The following WDR86 variants were observed in gnomAD, a reference collection of about 807,000 sequenced individuals.
The protein encoded by WDR86 is WD repeat domain 86, also known as WD repeat-containing protein 86.
In WDR86, 30 loss-of-function variants were observed where a neutral mutation model predicts 36.5. The observed-to-expected ratio is 0.82, with a 90% CI of 0.61 to 1.11. The LOEUF (loss-of-function observed/expected upper bound fraction) is 1.11, where lower values mean the gene tolerates loss of function less well. Ranked by LOEUF, WDR86 falls within the 50% of genes most tolerant of loss-of-function variation. WDR86 has a pLI of 0.00. For missense variants in WDR86, 545 were observed against 561.2 expected (o/e 0.97, Z 0.29); for synonymous variants, 255 against 252.9 (o/e 1.01, Z -0.08).
rs1228552737 is a variant in WDR86, at chr7:151,400,332, C to G, written c.164-91G>C. 2.2e-6 allele frequency: 3 copies of G among 1,360,650 alleles called. No homozygotes were observed. The African/African-American group carries it at 4.4e-5, about 20-fold the overall frequency. The allele number at this position is 1,360,650 out of a possible 1,614,324, so 84.3% of individuals were successfully genotyped here. A position where few individuals can be genotyped will look rare whatever the true frequency, so the allele number is the denominator to read the frequency against. On this transcript the variant is annotated intron_variant, in intron 1 of 5. Coordinates refer to ENST00000334493, the MANE Select transcript of WDR86 (RefSeq NM_198285.3). ...AACAATGTTTGAAAAGGGAAGAAAG[C>G]AGGATGTAGGGAGTGTTTGAGACAA...
chr7:151,382,086 C>G (rs1474169928), intron 4 of WDR86, 105 bp from the exon 5 acceptor site: 6 of 958,790 alleles, frequency 6.3e-6, no homozygotes, highest in Non-Finnish European at 9.5e-6. Flanking sequence ...GACTCCGCCC[C>G]ACGGGGGTAT....
At position 151,382,039 on chromosome 7, in the gene WDR86, G is replaced by A. The variant is rs1798631564; in HGVS notation, c.863-58C>T. 4.7e-6 allele frequency: 7 copies of A among 1,497,868 alleles called. 1 individual carries two copies. The South Asian group carries it at 8.5e-5, about 18-fold the overall frequency. The allele number at this position is 1,497,868 out of a possible 1,614,324, so 92.8% of individuals were successfully genotyped here. ...CCCTGCTCGGCCCCCCGCAAGCAGG[G>A]ATGGGGCGGCGAGAGCGTGACCTGG... On this transcript the variant is annotated intron_variant, in intron 4 of 5. Transcript: ENST00000334493.
Position 151,388,501 on chromosome 7 carries a change from G to C in WDR86, c.727-3278C>G, listed in dbSNP as rs751200692. On this transcript the variant is annotated intron_variant, in intron 3 of 5. Transcript: ENST00000334493. The surrounding 1 kb of genome is among the most constrained non-coding windows in gnomAD (Gnocchi z 4.2). Reference sequence around the variant, plus strand: ...GGGTGCCCCCTGGCTTTTTGACCTTGGGTTTGTCGCTTAGAAGCAGGTCCT... The same window carrying C: ...GGGTGCCCCCTGGCTTTTTGACCTTCGGTTTGTCGCTTAGAAGCAGGTCCT... Among the ~76,000 whole-genome samples, 5 of 152,112 alleles carry C rather than the reference G, an allele frequency of 3.3e-5. No homozygotes were observed. The highest frequency in any genetic ancestry group is 7.4e-5 in the Non-Finnish European group (5 of 68,002).
chr7:151,377,386 T>C, downstream of WDR86: 1 of 506,474 alleles, frequency 2.0e-6, no homozygotes, highest in Non-Finnish European at 3.4e-6. Context: ...TCCCAGGGCC[T>C]TCATGCGTGG....
chr7:151,400,162 C>T lies in WDR86; in HGVS notation c.243G>A (p.Arg81=), dbSNP rs1358800419. ...FTCSADCTIR[R]WDVLTGQCLQ... ...GACACTGCCCGGTCAGCACGTCCCA[C>T]CTCCTGATGGTGCAGTCGGCGCTGC... The change falls in exon 2 of 6, where the codon AGG becomes AGA. Residue 81 remains arginine (R), a synonymous_variant. Coordinates refer to ENST00000334493, the MANE Select transcript of WDR86 (RefSeq NM_198285.3). The T allele has an allele frequency of 1.2e-6, 2 of 1,612,480 alleles. No homozygotes were observed. Among genetic ancestry groups the T allele is most frequent in the African/African-American group, 2.7e-5 (2 of 74,918 alleles).
Position 151,406,782 on chromosome 7 carries a change from C to T in WDR86, c.163+2645G>A, listed in dbSNP as rs1001484289. 6.6e-6 allele frequency among the ~76,000 whole-genome samples: 1 copy of T among 152,184 alleles called. No individual in the cohort carries two copies. Among genetic ancestry groups the T allele is most frequent in the Non-Finnish European group, 1.5e-5 (1 of 68,026 alleles). ...GTGTATGCTGCTCATGAGTCTGCAC[C>T]TCCCCACTCTCCTCTGTGAACTGGT... On this transcript the variant is annotated intron_variant, in intron 1 of 5. Transcript: ENST00000334493. The surrounding 1 kb of genome is among the most constrained non-coding windows in gnomAD (Gnocchi z 4.4).
downstream of WDR86, among the ~76,000 whole-genome samples, chr7:151,380,332 CG>C (rs1465398578): frequency 1.3e-5 from 2 of 152,216 alleles, no homozygotes; most frequent in Non-Finnish European, 1.5e-5. Flanking sequence ...TGATCCCTGG[CG>C]GCCCCGGCCG....
intron 3 of WDR86, among the ~76,000 whole-genome samples, chr7:151,391,122 C>A (rs1362261061): frequency 6.6e-6 from 1 of 152,254 alleles, no homozygotes; most frequent in Non-Finnish European, 1.5e-5. Flanking sequence ...AGCGGCACTT[C>A]CAGCCCATCT....
intron 2 of WDR86, among the ~76,000 whole-genome samples, chr7:151,396,964 G>A (rs1799868953): frequency 6.6e-6 from 1 of 152,232 alleles, no homozygotes; most frequent in Non-Finnish European, 1.5e-5. Context: ...CCCCCACATT[G>A]TATTCACGAC....
intron 3 of WDR86, among the ~76,000 whole-genome samples, chr7:151,395,476 C>T (rs1377521966): frequency 1.3e-5 from 2 of 150,076 alleles, no homozygotes; most frequent in Non-Finnish European, 3.0e-5. Flanking sequence ...GACTGGTGTC[C>T]TTCTAAGAAG....
chr7:151,406,943 A>G lies in WDR86; in HGVS notation c.163+2484T>C, dbSNP rs190421415. Among the ~76,000 whole-genome samples the G allele has an allele frequency of 2.6e-5, 4 of 152,180 alleles. No homozygotes were observed. The highest frequency in any genetic ancestry group is 9.7e-5 in the African/African-American group (4 of 41,434). On this transcript the variant is annotated intron_variant, in intron 1 of 5. Transcript: ENST00000334493. The surrounding 1 kb of genome is among the most constrained non-coding windows in gnomAD (Gnocchi z 4.4). ...AATATTTCACTGATAGAAAAAAAAA[A>G]TCCTGCAGGAGAAAGGAACTGGCAA...
rs114973902 is a variant in WDR86, at chr7:151,393,213, G to A, written c.726+2563C>T. Among the ~76,000 whole-genome samples the A allele has an allele frequency of 2.5e-3, 382 of 152,344 alleles. 2 individuals are homozygous for A. The highest frequency in any genetic ancestry group is 8.7e-3 in the African/African-American group (361 of 41,576). On this transcript the variant is annotated intron_variant, in intron 3 of 5. Coordinates refer to ENST00000334493, the MANE Select transcript of WDR86 (RefSeq NM_198285.3). ...TCTGTGTTCACACGTGTGTTCACACGTGTGTGCATGTGTGCCTGTGGGGTG... is the reference window on the plus strand; with the variant it reads ...TCTGTGTTCACACGTGTGTTCACACATGTGTGCATGTGTGCCTGTGGGGTG...
Position 151,396,003 on chromosome 7 carries a change from C to A in WDR86, c.499G>T (p.Val167Leu). 6.2e-7 allele frequency: 1 copy of A among 1,600,846 alleles called. No homozygotes were observed. The highest frequency in any genetic ancestry group is 1.7e-4 in the Middle Eastern group (1 of 6,024). Residue 167 changes from valine to leucine, a missense_variant, in exon 3 of 6, where the codon GTG becomes TTG. Transcript: ENST00000334493. ...AEEAAAGGLL[V>L]TGSTDGTAKV... ...GCTGTGCCATCTGTGCTGCCGGTCACCAGAAGCCCCCCGGCCGCGGCCTCC... is the reference window on the plus strand; with the variant it reads ...GCTGTGCCATCTGTGCTGCCGGTCAACAGAAGCCCCCCGGCCGCGGCCTCC...
In WDR86 at chr7:151,409,398, G is replaced by T; in HGVS notation, c.163+29C>A. 6.4e-7 allele frequency: 1 copy of T among 1,552,600 alleles called. No homozygotes were observed. Among genetic ancestry groups the T allele is most frequent in the Non-Finnish European group, 8.7e-7 (1 of 1,149,984 alleles). On this transcript the variant is annotated intron_variant, in intron 1 of 5. Transcript: ENST00000334493. This position sits in a 1 kb window ranked among gnomAD's most constrained non-coding sequence, Gnocchi z 5.2. ...TCTGGGGCCGGTGAGCTGCGGCGAA[G>T]AGGTCAGGGAGGGAGTGGGAGGGTC... is the stretch of plus-strand genomic sequence containing the variant.
downstream of WDR86, among the ~76,000 whole-genome samples, chr7:151,374,962 G>A (rs139694544): frequency 4.3e-3 from 648 of 151,942 alleles, 8 homozygotes; most frequent in African/African-American, 0.015. Context: ...CTGGGGCAGC[G>A]CGGCGGGCAG....
Position 151,395,845 on chromosome 7 carries a change from G to A in WDR86, c.657C>T (p.Ala219=). ...FTGSTDATIR[A]WDILSGEQLR... is the part of the protein sequence containing the mutation. ...GCTGCTCCCCACTCAGGATGTCCCAGGCACGGATGGTGGCGTCGGTGCTGC... is the reference window on the plus strand; with the variant it reads ...GCTGCTCCCCACTCAGGATGTCCCAAGCACGGATGGTGGCGTCGGTGCTGC... Residue 219 remains alanine (A), a synonymous_variant, in exon 3 of 6, where the codon GCC becomes GCT. Transcript: ENST00000334493. 3 of 1,587,658 alleles carry A rather than the reference G, an allele frequency of 1.9e-6. No individual in the cohort carries two copies. Among genetic ancestry groups the A allele is most frequent in the Non-Finnish European group, 2.6e-6 (3 of 1,168,878 alleles).
intron 2 of WDR86, among the ~76,000 whole-genome samples, chr7:151,396,654 G>T (rs937411549): frequency 6.7e-6 from 1 of 149,016 alleles, no homozygotes; most frequent in Non-Finnish European, 1.5e-5. Flanking sequence ...AGTGGGACAC[G>T]CTGGTCACCC....
chr7:151,387,524 G>T (rs1799077671), intron 3 of WDR86, among the ~76,000 whole-genome samples: 1 of 152,108 alleles, frequency 6.6e-6, no homozygotes, highest in South Asian at 2.1e-4. Context: ...CCTGAGCCAA[G>T]GGGGAAGGCA....
Position 151,401,829 on chromosome 7 carries a change from C to G in WDR86, c.164-1588G>C, listed in dbSNP as rs1318606733. On this transcript the variant is annotated intron_variant, in intron 1 of 5. Transcript: ENST00000334493. This position sits in a 1 kb window ranked among gnomAD's most constrained non-coding sequence, Gnocchi z 4.3. ...CTTTGGGAGGCCGAGGCGGGTGGAT[C>G]ACAAGGTCAGGAGTTCAAGATCAGC... Among the ~76,000 whole-genome samples, 6 of 151,562 alleles carry G rather than the reference C, an allele frequency of 4.0e-5. No individual in the cohort carries two copies. Among genetic ancestry groups the G allele is most frequent in the Non-Finnish European group, 8.8e-5 (6 of 67,910 alleles).
Sources: gnomAD v4.1 joint callset for allele counts (sites outside exome capture counted in the v4.1 genomes callset) on GRCh38, gnomAD v4.1.1 for gene constraint, Gnocchi (gnomAD v3.1) non-coding constraint, MANE v1.5 for transcripts, NCBI Gene and HGNC (gene_info 2026-07-23, HGNC 2026-07-21) for gene names.